ENPP2: variants seen among roughly 807,000 people sequenced by gnomAD.
The protein encoded by ENPP2 is autotaxin.
ENPP2 carries 51 observed loss-of-function variants against 120.2 expected under a neutral mutation model. The observed-to-expected ratio is 0.42, with a 90% CI of 0.34 to 0.54. ENPP2 has a LOEUF of 0.54. Among genes scored for constraint, ENPP2 ranks in the 20% least tolerant of loss-of-function variants. ENPP2 has a pLI of 0.04. For missense variants in ENPP2, 920 were observed against 1,066.5 expected, an observed-to-expected ratio of 0.86 and a Z score of 1.91; for synonymous variants, 365 against 366.4, an observed-to-expected ratio of 1.00 and a Z score of 0.04.
At chr8:119,662,858 C>G (rs1449366264) in intron 1 of ENPP2, among the ~76,000 whole-genome samples, 1 of 152,132 alleles carries the variant, frequency 6.6e-6, no homozygotes, top group Admixed American at 6.5e-5. Flanking sequence ...ATGCCTTAAT[C>G]CCAGGACTTT....
intron 5 of ENPP2, chr8:119,618,572 C>G: frequency 3.3e-6 from 1 of 306,064 alleles, no homozygotes; most frequent in Non-Finnish European, 6.3e-6. Flanking sequence ...TAGAGGGGGT[C>G]TCTTTCATCC....
intron 9 of ENPP2, among the ~76,000 whole-genome samples, chr8:119,604,324 A>C (rs1033070736): frequency 8.5e-5 from 13 of 152,100 alleles, no homozygotes; most frequent in Admixed American, 4.6e-4. Context: ...CACCACACCC[A>C]GCCTCTAATC....
At chr8:119,667,683 A>C (rs1413461478) in intron 1 of ENPP2, among the ~76,000 whole-genome samples, 1 of 152,198 alleles carries the variant, frequency 6.6e-6, no homozygotes. Flanking sequence ...CTTATATGAC[A>C]CAGTGCCTCC....
In ENPP2 at chr8:119,616,343, C is replaced by T. The variant is rs754933177; in HGVS notation, c.699G>A (p.Met233Ile). 8.1e-6 allele frequency: 13 copies of T among 1,608,170 alleles called. No individual in the cohort carries two copies. The highest frequency in any genetic ancestry group is 1.1e-5 in the Non-Finnish European group (13 of 1,175,534). The change falls in exon 8 of 25, where the codon ATG becomes ATA. Residue 233 changes from methionine (M) to isoleucine (I), a missense_variant. Transcript: ENST00000075322. ...AAGTGGCATCAAATACAGGATCATA[C>T]ATTGAATTGCCAACAATTCCATGTG... Reference protein sequence around the residue: ...PESHGIVGNSMYDPVFDATFH... With the variant: ...PESHGIVGNSIYDPVFDATFH...
intron 3 of ENPP2, among the ~76,000 whole-genome samples, chr8:119,624,852 C>T (rs907384562): frequency 1.3e-5 from 2 of 152,314 alleles, no homozygotes; most frequent in African/African-American, 2.4e-5. Flanking sequence ...GCAGTGCTCC[C>T]TCAACAAAGG....
chr8:119,659,334 A>AAAAAAAAAC (rs58435393), intron 1 of ENPP2, among the ~76,000 whole-genome samples: 1 of 130,738 alleles, frequency 7.6e-6, no homozygotes, highest in Non-Finnish European at 1.6e-5. Context: ...AAAAAAAAAA[A>AAAAAAAAAC]AAACCAGAGT....
intron 9 of ENPP2, among the ~76,000 whole-genome samples, chr8:119,606,702 G>GA (rs1276927940): frequency 2.0e-5 from 3 of 151,816 alleles, no homozygotes; most frequent in African/African-American, 4.8e-5. Context: ...CTTCAAATCT[G>GA]AAAAAGCTAC....
In ENPP2 at chr8:119,595,149, T is replaced by C. The variant is rs553707133; in HGVS notation, c.973-1289A>G. Among the ~76,000 whole-genome samples, 4 of 152,332 alleles carry C rather than the reference T, an allele frequency of 2.6e-5. No individual in the cohort carries two copies. In the South Asian group the frequency reaches 8.3e-4, roughly 32 times the overall value. ...CCAAATGAACAATGTGTTTTGATCT[T>C]TGGCAATGACTTATTTTCCTTTACT... On this transcript the variant is annotated intron_variant, in intron 11 of 24. Transcript: ENST00000075322.
At chr8:119,653,878 C>T (rs1000309420) in intron 1 of ENPP2, among the ~76,000 whole-genome samples, 7 of 151,326 alleles carry the variant, frequency 4.6e-5, no homozygotes, top group African/African-American at 1.5e-4. Context: ...CTTCCTCAAA[C>T]GTTTGAAAGT....
chr8:119,662,354 A>T lies in ENPP2; in HGVS notation c.21+10898T>A, dbSNP rs997330416. Reference sequence around the variant, plus strand: ...ATAAACAATAAAGTAAATTGCATAGATATATAAATAAATAATTTTATTTAG... The same window carrying T: ...ATAAACAATAAAGTAAATTGCATAGTTATATAAATAAATAATTTTATTTAG... On this transcript the variant is annotated intron_variant, in intron 1 of 25. Coordinates refer to the ENPP2 transcript ENST00000427067. 7.2e-5 allele frequency among the ~76,000 whole-genome samples: 11 copies of T among 152,320 alleles called. 1 individual carries two copies. In the East Asian group the frequency reaches 1.9e-3, roughly 27 times the overall value.
At chr8:119,577,228 T>C (rs571257337) in intron 19 of ENPP2, among the ~76,000 whole-genome samples, 1 of 152,366 alleles carries the variant, frequency 6.6e-6, no homozygotes, top group East Asian at 1.9e-4. Context: ...TACATCTGTA[T>C]AGAAGTTTAG....
intron 11 of ENPP2, among the ~76,000 whole-genome samples, chr8:119,600,039 C>T (rs927274079): frequency 1.3e-5 from 2 of 150,482 alleles, no homozygotes; most frequent in Non-Finnish European, 1.5e-5. Context: ...TCAGCCTGCT[C>T]TGCTAAGCAG....
intron 2 of ENPP2, among the ~76,000 whole-genome samples, chr8:119,630,775 G>A (rs1296728686): frequency 1.3e-5 from 2 of 152,076 alleles, no homozygotes; most frequent in African/African-American, 2.4e-5. Context: ...ATTCATTCTC[G>A]GATGATTTGA....
intron 9 of ENPP2, among the ~76,000 whole-genome samples, chr8:119,602,613 C>T (rs555677034): frequency 6.6e-6 from 1 of 152,252 alleles, no homozygotes; most frequent in South Asian, 2.1e-4. Flanking sequence ...TCTAAGGCCT[C>T]ACAGCTAACA....
At chr8:119,591,238 A>G (rs1305509797) in intron 12 of ENPP2, among the ~76,000 whole-genome samples, 1 of 152,196 alleles carries the variant, frequency 6.6e-6, no homozygotes, top group Non-Finnish European at 1.5e-5. Flanking sequence ...TCCAATGACC[A>G]CCCAAACTGA....
At chr8:119,593,936 C>T (rs1813714700) in intron 11 of ENPP2, 76 bp from the exon 12 acceptor site, 2 of 856,512 alleles carry the variant, frequency 2.3e-6, no homozygotes, top group South Asian at 2.8e-5. Flanking sequence ...TCTTCTACCC[C>T]TAGAACATTT....
intron 17 of ENPP2, among the ~76,000 whole-genome samples, chr8:119,583,290 G>C (rs944160262): frequency 9.9e-5 from 15 of 152,168 alleles, no homozygotes; most frequent in Admixed American, 9.8e-4. Context: ...TCCTCATTCA[G>C]CAACTAGAAG....
intron 1 of ENPP2, among the ~76,000 whole-genome samples, chr8:119,670,822 T>C (rs1233292631): frequency 6.6e-6 from 1 of 152,098 alleles, no homozygotes; most frequent in East Asian, 1.9e-4. Flanking sequence ...AAATGGTACA[T>C]AAAATGTGGA....
intron 2 of ENPP2, among the ~76,000 whole-genome samples, chr8:119,627,711 A>AATTAG (rs1816378060): frequency 6.6e-6 from 1 of 151,860 alleles, no homozygotes; most frequent in Non-Finnish European, 1.5e-5. Context: ...AAAATACAAA[A>AATTAG]ATTAGCCCAG....
Sources: gnomAD v4.1 joint callset for allele counts (sites outside exome capture counted in the v4.1 genomes callset) on GRCh38, gnomAD v4.1.1 for gene constraint, MANE v1.5 for transcripts, NCBI Gene and HGNC (gene_info 2026-07-23, HGNC 2026-07-21) for gene names.